The following FGF14 variants were observed in gnomAD, a reference collection of about 807,000 sequenced individuals.
FGF14 encodes the protein fibroblast growth factor homologous factor 4.
In FGF14, 5 loss-of-function variants were observed where a neutral mutation model predicts 25.5. That is an observed-to-expected ratio of 0.20 (90% CI 0.10 to 0.41). The LOEUF is 0.41. Among genes scored for constraint, FGF14 ranks in the 10% least tolerant of loss-of-function variants. The pLI is 1.00. For missense variants in FGF14, 222 were observed against 320.1 expected (o/e 0.69, Z 2.34); for synonymous variants, 138 against 118.3 (o/e 1.17, Z -1.08).
intron 3 of FGF14, among the ~76,000 whole-genome samples, chr13:101,792,458 G>A (rs559400485): frequency 2.6e-5 from 4 of 152,126 alleles, no homozygotes; most frequent in African/African-American, 9.6e-5. Context: ...CAAGCCTCCA[G>A]CAAAAATGAA....
chr13:101,738,158 A>T (rs940649808), intron 3 of FGF14, among the ~76,000 whole-genome samples: 3 of 152,160 alleles, frequency 2.0e-5, no homozygotes, highest in African/African-American at 7.2e-5. Context: ...CATGTCATAG[A>T]TGATGATTTT....
intron 1 of FGF14, among the ~76,000 whole-genome samples, chr13:102,103,854 G>A (rs373090785): frequency 6.6e-6 from 1 of 152,096 alleles, no homozygotes; most frequent in Non-Finnish European, 1.5e-5. Flanking sequence ...AAGCGCCAGA[G>A]GGTCCTTCTT....
intron 1 of FGF14, among the ~76,000 whole-genome samples, chr13:102,018,767 C>CAG (rs201670252): frequency 0.032 from 4,813 of 152,236 alleles, 245 homozygotes; most frequent in African/African-American, 0.11. Context: ...AGTTGTTCAT[C>CAG]TACTCTGGCT....
At chr13:102,394,803 C>T (rs1172587779) in intron 1 of FGF14, 2 of 152,388 alleles carry the variant, frequency 1.3e-5, no homozygotes, top group African/African-American at 4.8e-5. Flanking sequence ...AGTCCACACT[C>T]GGAACCCAGC....
intron 3 of FGF14, among the ~76,000 whole-genome samples, chr13:101,858,541 T>A (rs1400600148): frequency 6.6e-6 from 1 of 152,082 alleles, no homozygotes; most frequent in African/African-American, 2.4e-5. Context: ...TTAGATCATC[T>A]TTGAAACTCC....
chr13:102,212,525 C>A (rs1473448812), intron 1 of FGF14, among the ~76,000 whole-genome samples: 3 of 152,156 alleles, frequency 2.0e-5, no homozygotes, highest in African/African-American at 7.2e-5. Flanking sequence ...CTTTCTCTGC[C>A]TCCATCTTTA....
chr13:101,733,361 G>A (rs2035936678), intron 3 of FGF14, among the ~76,000 whole-genome samples: 2 of 152,040 alleles, frequency 1.3e-5, no homozygotes, highest in South Asian at 2.1e-4. Flanking sequence ...ACTTTGGGAG[G>A]CCAAGGCAGG....
intron 1 of FGF14, among the ~76,000 whole-genome samples, chr13:102,323,310 T>C (rs1232004483): frequency 6.6e-6 from 1 of 152,246 alleles, no homozygotes; most frequent in Non-Finnish European, 1.5e-5. Context: ...ATCAGGATTA[T>C]ATGTAGTTAT....
chr13:102,074,299 C>T (rs1490816505), intron 1 of FGF14, among the ~76,000 whole-genome samples: 1 of 152,160 alleles, frequency 6.6e-6, no homozygotes, highest in Non-Finnish European at 1.5e-5. Context: ...AGGCATGAGC[C>T]ACCACGCCCA....
At chr13:101,975,993 C>T (rs963968592) in intron 1 of FGF14, among the ~76,000 whole-genome samples, 10 of 152,166 alleles carry the variant, frequency 6.6e-5, no homozygotes, top group Non-Finnish European at 1.0e-4. Context: ...TAAGCATTTG[C>T]CTGCATTAAA....
chr13:102,240,303 A>AT (rs1198883676), intron 1 of FGF14, among the ~76,000 whole-genome samples: 1 of 152,186 alleles, frequency 6.6e-6, no homozygotes, highest in African/African-American at 2.4e-5. Flanking sequence ...AAATGCAGTC[A>AT]TTCTGTTATC....
At chr13:102,298,873 T>C (rs1485305439) in intron 1 of FGF14, among the ~76,000 whole-genome samples, 1 of 152,182 alleles carries the variant, frequency 6.6e-6, no homozygotes, top group Non-Finnish European at 1.5e-5. Context: ...CTCTATTTTC[T>C]AAGAACTCTT....
At chr13:102,241,992 G>T (rs909826101) in intron 1 of FGF14, among the ~76,000 whole-genome samples, 2 of 152,154 alleles carry the variant, frequency 1.3e-5, no homozygotes, top group South Asian at 4.2e-4. Context: ...CAAAATGAGG[G>T]TAATGAAAGG....
intron 1 of FGF14, among the ~76,000 whole-genome samples, chr13:102,016,475 C>T (rs1466695952): frequency 6.6e-6 from 1 of 151,970 alleles, no homozygotes; most frequent in African/African-American, 2.4e-5. Flanking sequence ...TATTGTTGAA[C>T]CAGAATTAAT....
chr13:102,282,066 T>C (rs1477359069), intron 1 of FGF14, among the ~76,000 whole-genome samples: 2 of 145,080 alleles, frequency 1.4e-5, no homozygotes, highest in Non-Finnish European at 3.0e-5. Flanking sequence ...CCTGCTTCTT[T>C]TTTTTTTTTC....
chr13:101,761,328 G>C (rs1025593086), intron 3 of FGF14, among the ~76,000 whole-genome samples: 2 of 152,110 alleles, frequency 1.3e-5, no homozygotes, highest in Admixed American at 6.5e-5. Context: ...CACATAGATA[G>C]AGATTTTCTT....
rs1566764831 is a variant in FGF14 at position 102,161,634 on chromosome 13, G to GTACCCC, written c.208+239836_208+239837insGGGGTA. On this transcript the variant is annotated intron_variant, in intron 1 of 4. Coordinates refer to the FGF14 transcript ENST00000376131. The stretch of plus-strand genomic sequence containing the variant: ...AGAAGAAGAAGAAGAAGAAGAAGAA[G>GTACCCC]AAGAAGAAGAAGAAGAAGAAGAAGA... Among the ~76,000 whole-genome samples, 55 of 7,690 alleles carry GTACCCC rather than the reference G, an allele frequency of 7.2e-3. 5 individuals are homozygous for GTACCCC. Among genetic ancestry groups the GTACCCC allele is most frequent in the African/African-American group, 0.032 (50 of 1,574 alleles). The allele number at this position is 7,690 out of a possible 152,430, so 5.0% of individuals were successfully genotyped here.
intron 1 of FGF14, among the ~76,000 whole-genome samples, chr13:102,349,391 C>T (rs998073249): frequency 4.6e-5 from 7 of 152,120 alleles, no homozygotes; most frequent in Non-Finnish European, 8.8e-5. Flanking sequence ...TTTTCTCAGG[C>T]GACACAACCC....
At chr13:102,064,559 G>T (rs978945347) in intron 1 of FGF14, among the ~76,000 whole-genome samples, 1 of 151,658 alleles carries the variant, frequency 6.6e-6, no homozygotes, top group Admixed American at 6.6e-5. Flanking sequence ...TTATACTTAT[G>T]GGAAAAGCAT....
Sources: allele counts gnomAD v4.1 joint callset (sites outside exome capture counted in the v4.1 genomes callset), GRCh38; gene constraint gnomAD v4.1.1; transcripts MANE v1.5; gene names NCBI Gene and HGNC (gene_info 2026-07-23, HGNC 2026-07-21).